PARD3B: variants seen among roughly 807,000 people sequenced by gnomAD.
PARD3B encodes partitioning defective 3 homolog B.
Under a neutral mutation model 130.2 loss-of-function variants are expected in PARD3B, and 103 were observed. The ratio of observed to expected loss-of-function variants is 0.79; its 90% confidence interval spans 0.67 to 0.93. The LOEUF (loss-of-function observed/expected upper bound fraction) is 0.93. PARD3B is among the 40% of genes least tolerant of loss of function. The pLI, the probability that PARD3B is intolerant of heterozygous loss-of-function variation, is 0.00. For synonymous variants in PARD3B, 583 were observed against 553.2 expected, an observed-to-expected ratio of 1.05 and a Z score of -0.76; for missense variants, 1,609 against 1,499.2, an observed-to-expected ratio of 1.07 and a Z score of -1.21.
chr2:204,864,479 A>G (rs2045333171), intron 2 of PARD3B, among the ~76,000 whole-genome samples: 1 of 152,150 alleles, frequency 6.6e-6, no homozygotes, highest in African/African-American at 2.4e-5. Flanking sequence ...AACTAATGCA[A>G]TGGCTGTTTC....
intron 15 of PARD3B, among the ~76,000 whole-genome samples, chr2:205,203,112 C>T (rs1441337055): frequency 3.3e-5 from 5 of 151,892 alleles, no homozygotes; most frequent in Non-Finnish European, 7.4e-5. Context: ...TCTATTTCCC[C>T]AGAAGAGATA....
At chr2:204,883,370 T>A (rs1305753883) in intron 2 of PARD3B, among the ~76,000 whole-genome samples, 6 of 138,884 alleles carry the variant, frequency 4.3e-5, no homozygotes, top group Admixed American at 1.5e-4. Flanking sequence ...TTAACTATAT[T>A]TTCTTTTTTT....
At chr2:205,045,496 C>T (rs952440805) in intron 3 of PARD3B, among the ~76,000 whole-genome samples, 1 of 152,004 alleles carries the variant, frequency 6.6e-6, no homozygotes, top group Non-Finnish European at 1.5e-5. Flanking sequence ...GATCCACTTG[C>T]CTCGGCCTCC....
Position 205,440,597 on chromosome 2 carries a change from C to A in PARD3B, c.2969C>A (p.Ser990Tyr). The change falls in exon 20 of 23, where the codon TCT (serine) becomes TAT (tyrosine). Residue 990 changes from serine to tyrosine, a missense_variant. Physicochemically the swap from Ser to Tyr is moderately radical, Grantham distance 144. Transcript: ENST00000406610. This position sits in a 1 kb window ranked among gnomAD's most constrained non-coding sequence, Gnocchi z 4.2. ...TACCCTCGGGATGGCCATCCACTGT[C>A]TCCAGAAAGAGACCACTTAGAGGGT... ...FGYPRDGHPL[S>Y]PERDHLEGLY... 6.2e-7 allele frequency: 1 copy of A among 1,614,026 alleles called. No individual in the cohort carries two copies. The highest frequency in any genetic ancestry group is 8.5e-7 in the Non-Finnish European group (1 of 1,179,944).
At chr2:205,521,374 A>G (rs1469840070) in intron 21 of PARD3B, among the ~76,000 whole-genome samples, 1 of 152,036 alleles carries the variant, frequency 6.6e-6, no homozygotes, top group Non-Finnish European at 1.5e-5. Flanking sequence ...TGATGTGGAA[A>G]GAATATTAAG....
intron 2 of PARD3B, among the ~76,000 whole-genome samples, chr2:204,790,197 GA>G (rs1419737480): frequency 6.6e-6 from 1 of 152,092 alleles, no homozygotes; most frequent in African/African-American, 2.4e-5. Context: ...ATAGTTCATG[GA>G]ACAATTTAGA....
At chr2:204,829,297 T>A (rs2043715138) in intron 2 of PARD3B, among the ~76,000 whole-genome samples, 1 of 152,194 alleles carries the variant, frequency 6.6e-6, no homozygotes, top group African/African-American at 2.4e-5. Context: ...TATTTTGTCT[T>A]CATGTAAAGT....
chr2:204,742,788 G>A (rs933614123), intron 2 of PARD3B, among the ~76,000 whole-genome samples: 1 of 152,132 alleles, frequency 6.6e-6, no homozygotes, highest in Admixed American at 6.6e-5. Context: ...CTGTAACATA[G>A]GATAGTGTTT....
chr2:205,091,677 G>A lies in PARD3B; in HGVS notation c.505-12749G>A, dbSNP rs1000763384. Among the ~76,000 whole-genome samples, 1 of 152,146 alleles carries A rather than the reference G, an allele frequency of 6.6e-6. No homozygotes were observed. Among genetic ancestry groups the A allele is most frequent in the Non-Finnish European group, 1.5e-5 (1 of 68,008 alleles). On this transcript the variant is annotated intron_variant, in intron 4 of 22. Transcript: ENST00000406610. The surrounding 1 kb of genome is among the most constrained non-coding windows in gnomAD (Gnocchi z 4.2). ...TTCTTATCTTACACTTGGAATGGGG[G>A]TGAGGTTAGAGAAAGAATAGCAGTG...
At chr2:204,771,346 A>G (rs184374777) in intron 2 of PARD3B, among the ~76,000 whole-genome samples, 2 of 152,152 alleles carry the variant, frequency 1.3e-5, no homozygotes, top group Non-Finnish European at 2.9e-5. Flanking sequence ...GACCACAGGC[A>G]CTCACAGATG....
chr2:204,846,398 A>G (rs1489792960), intron 2 of PARD3B, among the ~76,000 whole-genome samples: 2 of 152,058 alleles, frequency 1.3e-5, no homozygotes, highest in African/African-American at 4.8e-5. Flanking sequence ...AATGCTAGGT[A>G]TCTGTTCTAG....
At chr2:204,566,005 C>T (rs2031650096) in intron 1 of PARD3B, among the ~76,000 whole-genome samples, 1 of 152,170 alleles carries the variant, frequency 6.6e-6, no homozygotes, top group South Asian at 2.1e-4. Flanking sequence ...TATTTTTTAA[C>T]TACCAATGAG....
At chr2:204,921,187 C>T (rs554224237) in intron 2 of PARD3B, among the ~76,000 whole-genome samples, 6 of 152,208 alleles carry the variant, frequency 3.9e-5, no homozygotes, top group South Asian at 4.1e-4. Flanking sequence ...TTAGACCTTC[C>T]GCATTTTTAA....
intron 2 of PARD3B, among the ~76,000 whole-genome samples, chr2:204,901,067 G>C (rs909639968): frequency 6.6e-6 from 1 of 152,022 alleles, no homozygotes; most frequent in East Asian, 1.9e-4. Flanking sequence ...CTGGGACTGC[G>C]CTGGGTCTTG....
intron 11 of PARD3B, 82 bp from the exon 12 acceptor site, chr2:205,172,129 A>G: frequency 7.2e-7 from 1 of 1,388,058 alleles, no homozygotes; most frequent in East Asian, 2.4e-5. Context: ...TTCATTTTTA[A>G]ACTTGAACTT....
chr2:204,881,551 A>T (rs1407033155), intron 2 of PARD3B, among the ~76,000 whole-genome samples: 1 of 152,048 alleles, frequency 6.6e-6, no homozygotes, highest in Admixed American at 6.6e-5. Flanking sequence ...TTGTCTGGGA[A>T]AATTAGTTGT....
intron 4 of PARD3B, among the ~76,000 whole-genome samples, chr2:205,063,069 G>A (rs910931282): frequency 1.3e-5 from 2 of 151,832 alleles, no homozygotes; most frequent in Non-Finnish European, 2.9e-5. Context: ...TGTTTTCTTA[G>A]CAATTTGCAA....
Position 205,193,214 on chromosome 2 carries a change from G to A in PARD3B, c.2034G>A (p.Val678=), listed in dbSNP as rs1409644799. 6 of 1,606,154 alleles carry A rather than the reference G, an allele frequency of 3.7e-6. No homozygotes were observed. Among genetic ancestry groups the A allele is most frequent in the Non-Finnish European group, 5.1e-6 (6 of 1,172,910 alleles). ...GLEDYSHSSG[V]DSAVYFPDQH... is the part of the protein sequence containing the mutation. ...TGGCTTCCTTCCACAGCTCTGGGGT[G>A]GATTCAGCAGTATATTTTCCAGATC... The change falls in exon 15 of 23, where the codon GTG becomes GTA. Residue 678 remains valine (V), a synonymous_variant. Transcript: ENST00000406610.
At chr2:204,745,149 G>C (rs2040162368) in intron 2 of PARD3B, among the ~76,000 whole-genome samples, 1 of 152,156 alleles carries the variant, frequency 6.6e-6, no homozygotes, top group Non-Finnish European at 1.5e-5. Context: ...TGGAATTCCA[G>C]AATCGATGAT....
Sources: gnomAD v4.1 joint callset for allele counts (sites outside exome capture counted in the v4.1 genomes callset) on GRCh38, gnomAD v4.1.1 for gene constraint, Gnocchi (gnomAD v3.1) non-coding constraint, MANE v1.5 for transcripts, NCBI Gene and HGNC (gene_info 2026-07-23, HGNC 2026-07-21) for gene names.